Variants in LRMDA observed in about 807,000 individuals in gnomAD.
The protein encoded by LRMDA is leucine rich melanocyte differentiation associated.
LRMDA carries 18 observed loss-of-function variants against 29.8 expected under a neutral mutation model. That is an observed-to-expected ratio of 0.60 (90% CI 0.42 to 0.90). The LOEUF is 0.90. Among genes scored for constraint, LRMDA ranks in the 40% least tolerant of loss-of-function variants. The pLI is 0.00. For missense variants in LRMDA, 273 were observed against 273.9 expected, an observed-to-expected ratio of 1.00 and a Z score of 0.02; for synonymous variants, 125 against 109.4, an observed-to-expected ratio of 1.14 and a Z score of -0.89.
At chr10:76,106,480 T>C (rs1849486568) in intron 5 of LRMDA, among the ~76,000 whole-genome samples, 1 of 152,222 alleles carries the variant, frequency 6.6e-6, no homozygotes. Context: ...AATATCCCTG[T>C]ATCATTTCCC....
chr10:75,946,685 G>T (rs1209133917), intron 2 of LRMDA, among the ~76,000 whole-genome samples: 1 of 152,102 alleles, frequency 6.6e-6, no homozygotes, highest in Non-Finnish European at 1.5e-5. Flanking sequence ...TCCAGATCTG[G>T]TCCTTTCCCA....
At chr10:76,389,284 C>T (rs905381201) in intron 6 of LRMDA, among the ~76,000 whole-genome samples, 4 of 151,832 alleles carry the variant, frequency 2.6e-5, no homozygotes, top group African/African-American at 7.3e-5. Context: ...GCTGTGGTGG[C>T]AAGTTTCGAA....
chr10:75,966,380 G>A (rs1846859754), intron 2 of LRMDA, among the ~76,000 whole-genome samples: 1 of 152,120 alleles, frequency 6.6e-6, no homozygotes, highest in Non-Finnish European at 1.5e-5. Flanking sequence ...GTGTGATTTT[G>A]AGGATTCAAC....
intron 2 of LRMDA, among the ~76,000 whole-genome samples, chr10:75,688,784 C>A (rs558679808): frequency 1.6e-4 from 25 of 152,290 alleles, no homozygotes; most frequent in Non-Finnish European, 3.4e-4. Flanking sequence ...GCCACAGCCA[C>A]CCCAGCCTTC....
intron 2 of LRMDA, among the ~76,000 whole-genome samples, chr10:75,905,369 A>G (rs1226212320): frequency 6.6e-6 from 1 of 152,112 alleles, no homozygotes; most frequent in African/African-American, 2.4e-5. Context: ...ACAGAACAGT[A>G]GAATGACTAT....
intron 2 of LRMDA, among the ~76,000 whole-genome samples, chr10:75,659,023 G>A (rs188715744): frequency 5.3e-5 from 8 of 152,286 alleles, no homozygotes; most frequent in East Asian, 3.9e-4. Flanking sequence ...TGGCCCCACC[G>A]GCAGGAGATG....
chr10:76,551,450 G>A (rs992289322), intron 6 of LRMDA, among the ~76,000 whole-genome samples: 1 of 152,008 alleles, frequency 6.6e-6, no homozygotes, highest in Non-Finnish European at 1.5e-5. Flanking sequence ...AATATTTATT[G>A]AACATCTCAT....
chr10:76,440,934 C>T (rs1048490812), intron 6 of LRMDA, among the ~76,000 whole-genome samples: 1 of 152,186 alleles, frequency 6.6e-6, no homozygotes, highest in African/African-American at 2.4e-5. Flanking sequence ...TCTCCATCAG[C>T]TGACTCTGAC....
chr10:76,346,699 G>A (rs936969884), intron 6 of LRMDA: 25 of 152,106 alleles, frequency 1.6e-4, no homozygotes, highest in African/African-American at 6.0e-4. Flanking sequence ...ATTTAATCCG[G>A]GAAACATCTC....
At chr10:76,382,602 A>T (rs192958790) in intron 6 of LRMDA, among the ~76,000 whole-genome samples, 13 of 152,362 alleles carry the variant, frequency 8.5e-5, no homozygotes, top group Non-Finnish European at 1.8e-4. Context: ...ATCCTCTTCC[A>T]CTGAGACATA....
chr10:75,709,131 C>G (rs1842405270), intron 2 of LRMDA, among the ~76,000 whole-genome samples: 1 of 152,110 alleles, frequency 6.6e-6, no homozygotes, highest in South Asian at 2.1e-4. Flanking sequence ...TTACTTTTAA[C>G]TGAACATAAC....
At chr10:75,494,497 C>G (rs1256336673) in intron 2 of LRMDA, among the ~76,000 whole-genome samples, 2 of 141,924 alleles carry the variant, frequency 1.4e-5, no homozygotes, top group South Asian at 4.6e-4. Flanking sequence ...GCCGCTAAAA[C>G]AAGGTTTATG....
intron 6 of LRMDA, among the ~76,000 whole-genome samples, chr10:76,393,469 A>T (rs956168766): frequency 2.6e-5 from 4 of 152,114 alleles, no homozygotes; most frequent in Admixed American, 2.0e-4. Context: ...TCTTCTTTTG[A>T]AATATGTCTG....
intron 5 of LRMDA, among the ~76,000 whole-genome samples, chr10:76,153,759 C>T (rs1850489654): frequency 6.6e-6 from 1 of 152,164 alleles, no homozygotes; most frequent in Non-Finnish European, 1.5e-5. Context: ...GGGGTGCAGT[C>T]CTGGGATATA....
intron 2 of LRMDA, among the ~76,000 whole-genome samples, chr10:75,934,760 G>C (rs1846260125): frequency 6.6e-6 from 1 of 152,188 alleles, no homozygotes; most frequent in Non-Finnish European, 1.5e-5. Context: ...AACACATGCT[G>C]GTTTGTTTCA....
intron 6 of LRMDA, among the ~76,000 whole-genome samples, chr10:76,534,131 A>T (rs748030377): frequency 6.6e-6 from 1 of 152,216 alleles, no homozygotes; most frequent in African/African-American, 2.4e-5. Flanking sequence ...AGTAAAATTA[A>T]CCTTTCCATT....
intron 2 of LRMDA, among the ~76,000 whole-genome samples, chr10:75,507,049 G>A (rs976170144): frequency 3.3e-5 from 5 of 151,992 alleles, no homozygotes; most frequent in African/African-American, 9.7e-5. Context: ...AAACCCAGAT[G>A]CTCATTCAGG....
intron 2 of LRMDA, among the ~76,000 whole-genome samples, chr10:75,803,687 G>A (rs961211593): frequency 3.9e-5 from 6 of 152,226 alleles, no homozygotes; most frequent in African/African-American, 1.4e-4. Context: ...CTGGCACTTA[G>A]TAAGCTGCAT....
At chr10:75,762,642 T>C (rs189572236) in intron 2 of LRMDA, among the ~76,000 whole-genome samples, 2 of 152,358 alleles carry the variant, frequency 1.3e-5, no homozygotes, top group Admixed American at 6.5e-5. Context: ...TTAACCTCTC[T>C]GAGCCACAGT....
Sources: allele counts gnomAD v4.1 joint callset (sites outside exome capture counted in the v4.1 genomes callset), GRCh38; gene constraint gnomAD v4.1.1; transcripts MANE v1.5; gene names NCBI Gene and HGNC (gene_info 2026-07-23, HGNC 2026-07-21).